The following EPB41L3 variants were observed in gnomAD, a reference collection of about 807,000 sequenced individuals.
The protein encoded by EPB41L3 is erythrocyte membrane protein band 4.1 like 3.
Under a neutral mutation model 127.1 loss-of-function variants are expected in EPB41L3, and 57 were observed. The ratio of observed to expected loss-of-function variants is 0.45; its 90% confidence interval spans 0.36 to 0.56. The LOEUF (loss-of-function observed/expected upper bound fraction) is 0.56. Ranked by LOEUF, EPB41L3 falls within the 20% of genes least tolerant of loss-of-function variation. The probability of loss-of-function intolerance (pLI) is 0.00; values close to 1 mark genes in which losing one functional copy is unlikely to be tolerated. For synonymous variants in EPB41L3, 572 were observed against 549.5 expected (o/e 1.04, Z -0.57); for missense variants, 1,273 against 1,372.2 (o/e 0.93, Z 1.14).
rs570587009 is a variant in EPB41L3 at position 5,512,928 on chromosome 18, C to G, written c.-11-23734G>C. 1.6e-3 allele frequency among the ~76,000 whole-genome samples: 250 copies of G among 152,296 alleles called. 1 individual carries two copies. Among genetic ancestry groups the G allele is most frequent in the Non-Finnish European group, 2.4e-3 (163 of 68,024 alleles). ...CCCTGCCTATATGTAAATGCTGGAT[C>G]CACCACTAAAGAAGCATCAGTAAGC... On this transcript the variant is annotated intron_variant, in intron 1 of 22. Transcript: ENST00000341928.
chr18:5,539,293 G>A (rs192170794), intron 1 of EPB41L3, among the ~76,000 whole-genome samples: 75 of 152,006 alleles, frequency 4.9e-4, no homozygotes, highest in African/African-American at 1.5e-3. Flanking sequence ...TTGTAAGGCA[G>A]GGTTATAAGA....
intron 1 of EPB41L3, among the ~76,000 whole-genome samples, chr18:5,535,037 G>A (rs1365028392): frequency 6.6e-6 from 1 of 152,106 alleles, no homozygotes; most frequent in Admixed American, 6.5e-5. Context: ...CCTGATCTCC[G>A]CCTCCTGTCA....
chr18:5,399,171 G>A (rs1009179199), intron 16 of EPB41L3: 1 of 398,944 alleles, frequency 2.5e-6, no homozygotes, highest in East Asian at 3.6e-5. Flanking sequence ...TTTTCCTAGA[G>A]TGTATATTTT....
chr18:5,476,348 C>G (rs1003852551), intron 3 of EPB41L3, among the ~76,000 whole-genome samples: 1 of 151,916 alleles, frequency 6.6e-6, no homozygotes, highest in African/African-American at 2.4e-5. Context: ...AAATAACTGG[C>G]CAAGTTTGCT....
chr18:5,557,338 C>T (rs978246296), intron 3 of EPB41L3, among the ~76,000 whole-genome samples: 11 of 152,256 alleles, frequency 7.2e-5, no homozygotes, highest in Admixed American at 7.2e-4. Context: ...TTGTAGCACA[C>T]ACAATTCAAA....
At chr18:5,546,570 T>G (rs1173674434), upstream of EPB41L3, among the ~76,000 whole-genome samples, 1 of 152,102 alleles carries the variant, frequency 6.6e-6, no homozygotes, top group Non-Finnish European at 1.5e-5. Context: ...ACCCTAATTA[T>G]GGTAATATTC....
rs1453812770 is a variant in EPB41L3 at position 5,416,251 on chromosome 18, G to A, written c.1634C>T (p.Ser545Phe). 3 of 1,614,116 alleles carry A rather than the reference G, an allele frequency of 1.9e-6. No individual in the cohort carries two copies. The East Asian group carries it at 6.7e-5, about 36-fold the overall frequency. ...CTCTCCAGGCAGGTGCTCAGCTCTG[G>A]ACGGCTCATAACCTGGCAGTTTGCA... ...NDCKLPGYEP[S>F]RAEHLPGEPA... The change falls in exon 13 of 23, where the codon TCC (serine) becomes TTC (phenylalanine). Residue 545 changes from serine to phenylalanine, a missense_variant. This residue lies in a region of EPB41L3 where 765 missense variants were observed against 782.9 expected (regional missense o/e 0.98). Coordinates refer to ENST00000341928, the MANE Select transcript of EPB41L3 (RefSeq NM_012307.5).
At chr18:5,591,945 T>C (rs1374503090) in intron 3 of EPB41L3, among the ~76,000 whole-genome samples, 4 of 152,166 alleles carry the variant, frequency 2.6e-5, no homozygotes, top group African/African-American at 9.7e-5. Context: ...CTGAGGGACT[T>C]TCTAGATTTC....
intron 1 of EPB41L3, among the ~76,000 whole-genome samples, chr18:5,623,463 G>T (rs779208348): frequency 1.6e-4 from 25 of 152,088 alleles, no homozygotes; most frequent in Non-Finnish European, 3.5e-4. Flanking sequence ...GTGAGCAATG[G>T]ACTATTTACA....
At chr18:5,502,674 G>T (rs1382382467) in intron 1 of EPB41L3, among the ~76,000 whole-genome samples, 1 of 152,174 alleles carries the variant, frequency 6.6e-6, no homozygotes, top group Non-Finnish European at 1.5e-5. Context: ...ACAGAGACTG[G>T]GAAGAGTGGA....
At chr18:5,584,863 A>G (rs939106874) in intron 3 of EPB41L3, among the ~76,000 whole-genome samples, 4 of 152,258 alleles carry the variant, frequency 2.6e-5, no homozygotes, top group Admixed American at 6.5e-5. Context: ...AAAGGCATAC[A>G]GCTTCAAAGA....
chr18:5,523,206 T>C (rs1483349666), intron 1 of EPB41L3, among the ~76,000 whole-genome samples: 3 of 152,208 alleles, frequency 2.0e-5, no homozygotes, highest in South Asian at 2.1e-4. Context: ...GACAGAATTA[T>C]TGAACATCAA....
rs1018251245 is a variant in EPB41L3 at position 5,441,558 on chromosome 18, C to T, written c.529+2280G>A. ...TCGACTCACTGCAAGCTCCGCCTCC[C>T]GGGTTCACGCCATTCTCCTGCCTCA... On this transcript the variant is annotated intron_variant, in intron 5 of 22. Coordinates refer to ENST00000341928, the MANE Select transcript of EPB41L3 (RefSeq NM_012307.5). 2.1e-3 allele frequency among the ~76,000 whole-genome samples: 317 copies of T among 151,820 alleles called. 5 individuals carry two copies. The highest frequency in any genetic ancestry group is 8.8e-4 in the Non-Finnish European group (60 of 67,950).
At chr18:5,507,692 T>C (rs2092296021) in intron 1 of EPB41L3, among the ~76,000 whole-genome samples, 1 of 152,204 alleles carries the variant, frequency 6.6e-6, no homozygotes, top group African/African-American at 2.4e-5. Context: ...AGTAGAGCTA[T>C]TCCTTTTGAT....
chr18:5,605,838 AG>A (rs746747121), intron 3 of EPB41L3, among the ~76,000 whole-genome samples: 14 of 152,130 alleles, frequency 9.2e-5, no homozygotes, highest in Non-Finnish European at 1.6e-4. Flanking sequence ...GAGTACCAGG[AG>A]GGGTTCGGAG....
intron 3 of EPB41L3, among the ~76,000 whole-genome samples, chr18:5,593,632 G>A (rs891645648): frequency 1.3e-5 from 2 of 152,102 alleles, no homozygotes; most frequent in Non-Finnish European, 2.9e-5. Context: ...GAGAGCAACC[G>A]GTCTGACCAA....
chr18:5,506,751 C>T (rs2092234128), intron 1 of EPB41L3, among the ~76,000 whole-genome samples: 1 of 152,156 alleles, frequency 6.6e-6, no homozygotes, highest in South Asian at 2.1e-4. Flanking sequence ...AATGTATGAA[C>T]TCAGCTTTGG....
At chr18:5,593,158 C>T (rs2094501877) in intron 3 of EPB41L3, among the ~76,000 whole-genome samples, 2 of 152,182 alleles carry the variant, frequency 1.3e-5, no homozygotes, top group Admixed American at 6.5e-5. Context: ...TTTAGCATTG[C>T]GTAGACACGG....
chr18:5,468,092 T>G (rs1387216177), intron 3 of EPB41L3, among the ~76,000 whole-genome samples: 1 of 152,184 alleles, frequency 6.6e-6, no homozygotes. Context: ...CAGGTGTACA[T>G]GCACTTGAGG....
Sources: allele counts gnomAD v4.1 joint callset (sites outside exome capture counted in the v4.1 genomes callset), GRCh38; gene constraint gnomAD v4.1.1; regional missense constraint gnomAD v4.1.1; transcripts MANE v1.5; gene names NCBI Gene and HGNC (gene_info 2026-07-23, HGNC 2026-07-21).